Variants in FRYL observed in about 807,000 individuals in gnomAD.
The protein encoded by FRYL is FRY like transcription coactivator, also known as protein furry homolog-like.
A neutral mutation model predicts 351.2 loss-of-function variants in FRYL; 150 were observed. The observed-to-expected ratio is 0.43, with a 90% CI of 0.37 to 0.49. The LOEUF is 0.49. Among genes scored for constraint, FRYL ranks in the 20% least tolerant of loss-of-function variants. FRYL has a pLI of 0.00. For missense variants in FRYL, 3,036 were observed against 3,619.3 expected (o/e 0.84, Z 4.13); for synonymous variants, 1,153 against 1,257.1 (o/e 0.92, Z 1.75).
intron 16 of FRYL, among the ~76,000 whole-genome samples, chr4:48,592,228 C>T (rs182851878): frequency 5.3e-5 from 8 of 151,580 alleles, no homozygotes; most frequent in Admixed American, 2.0e-4. Flanking sequence ...TAGTCAAAGA[C>T]GACACCTTGA....
chr4:48,769,258 C>A (rs1235541099), intron 1 of FRYL, among the ~76,000 whole-genome samples: 1 of 152,114 alleles, frequency 6.6e-6, no homozygotes, highest in Non-Finnish European at 1.5e-5. Context: ...ACATAACTGG[C>A]AAAGAACTTC....
intron 3 of FRYL, among the ~76,000 whole-genome samples, chr4:48,662,762 GA>G: frequency 3.8e-5 from 1 of 26,452 alleles, no homozygotes; most frequent in South Asian, 2.7e-3. Flanking sequence ...CTCATCTCCT[GA>G]AGAAAAAAAA....
intron 3 of FRYL, among the ~76,000 whole-genome samples, chr4:48,664,101 C>T (rs1761315857): frequency 6.6e-6 from 1 of 152,140 alleles, no homozygotes; most frequent in African/African-American, 2.4e-5. Flanking sequence ...CAAAGGAACT[C>T]TGGCTGACCA....
At chr4:48,593,117 A>AT (rs1183807585) in intron 16 of FRYL, among the ~76,000 whole-genome samples, 3 of 151,700 alleles carry the variant, frequency 2.0e-5, no homozygotes, top group East Asian at 3.8e-4. Context: ...TTTAATGTTG[A>AT]TTTTTTTTGG....
intron 11 of FRYL, among the ~76,000 whole-genome samples, chr4:48,605,320 A>G (rs1746547200): frequency 6.6e-6 from 1 of 152,234 alleles, no homozygotes; most frequent in Admixed American, 6.5e-5. Flanking sequence ...TAGGACCTGA[A>G]TACTACAAAC....
chr4:48,754,761 C>T (rs1348053202), intron 1 of FRYL, among the ~76,000 whole-genome samples: 25 of 151,362 alleles, frequency 1.7e-4, no homozygotes, highest in African/African-American at 4.9e-4. Flanking sequence ...TCCGCCTCAG[C>T]CTTCCAAGTC....
At chr4:48,650,174 C>G (rs1436194951) in intron 3 of FRYL, among the ~76,000 whole-genome samples, 1 of 152,124 alleles carries the variant, frequency 6.6e-6, no homozygotes, top group African/African-American at 2.4e-5. Flanking sequence ...ATTCCTACTT[C>G]AGGAATTGTT....
At chr4:48,639,317 T>A (rs566425240) in intron 3 of FRYL, among the ~76,000 whole-genome samples, 1 of 152,042 alleles carries the variant, frequency 6.6e-6, no homozygotes, top group Non-Finnish European at 1.5e-5. Flanking sequence ...CAAGACAGTA[T>A]GGTACTGATT....
At chr4:48,546,005 T>G in intron 42 of FRYL, 62 bp downstream of exon 42, 1 of 1,445,622 alleles carries the variant, frequency 6.9e-7, no homozygotes, top group South Asian at 1.2e-5. Context: ...TCATAATACC[T>G]GATCAATGAA....
At chr4:48,604,330 T>C (rs1274977384) in intron 11 of FRYL, among the ~76,000 whole-genome samples, 1 of 152,194 alleles carries the variant, frequency 6.6e-6, no homozygotes, top group African/African-American at 2.4e-5. Context: ...AGGCCTAGTA[T>C]TATGGGTTGA....
intron 3 of FRYL, among the ~76,000 whole-genome samples, chr4:48,635,998 C>T (rs1416386513): frequency 2.0e-5 from 3 of 152,040 alleles, no homozygotes; most frequent in Admixed American, 6.6e-5. Flanking sequence ...GGTCAAAATA[C>T]ACAAATCTGT....
chr4:48,709,077 C>G (rs143703046), intron 2 of FRYL, among the ~76,000 whole-genome samples: 1 of 151,958 alleles, frequency 6.6e-6, no homozygotes, highest in Non-Finnish European at 1.5e-5. Flanking sequence ...CCCGCCACCA[C>G]GCCTGGCTAA....
At chr4:48,731,421 T>C (rs1770711476) in intron 1 of FRYL, among the ~76,000 whole-genome samples, 2 of 152,146 alleles carry the variant, frequency 1.3e-5, no homozygotes, top group South Asian at 2.1e-4. Context: ...CTTCACAGAA[T>C]TGGAAAAAAC....
intron 7 of FRYL, chr4:48,618,782 T>A (rs1012285721): frequency 6.6e-6 from 1 of 152,540 alleles, no homozygotes; most frequent in Non-Finnish European, 1.5e-5. Flanking sequence ...CTAATACTCA[T>A]TGAATGAATA....
intron 49 of FRYL, among the ~76,000 whole-genome samples, chr4:48,532,837 A>C (rs754057958): frequency 6.6e-6 from 1 of 152,192 alleles, no homozygotes; most frequent in Non-Finnish European, 1.5e-5. Flanking sequence ...ACTATCGATA[A>C]TTCAATTCTG....
chr4:48,632,298 T>C (rs1753377512), intron 4 of FRYL, among the ~76,000 whole-genome samples: 2 of 149,942 alleles, frequency 1.3e-5, no homozygotes, highest in African/African-American at 2.4e-5. Context: ...GTGTTCATTA[T>C]ACCATAATCT....
chr4:48,612,126 A>G (rs1346453664), intron 7 of FRYL, among the ~76,000 whole-genome samples: 1 of 152,070 alleles, frequency 6.6e-6, no homozygotes, highest in African/African-American at 2.4e-5. Context: ...TTACCTTCCC[A>G]CAATTTTATT....
In FRYL at chr4:48,567,117, G is replaced by A; in HGVS notation, c.3169+131C>T. 1.5e-6 allele frequency: 1 copy of A among 684,240 alleles called. No individual in the cohort carries two copies. The highest frequency in any genetic ancestry group is 2.3e-6 in the Non-Finnish European group (1 of 441,384). The allele number at this position is 684,240 out of a possible 1,614,324, so 42.4% of individuals were successfully genotyped here. ...AGGGAAAACAAACTCCAGCCATCCA[G>A]GTTATGCTGACATATTTTTCCAGTA... On this transcript the variant is annotated intron_variant, in intron 28 of 63. Coordinates refer to ENST00000358350, the MANE Select transcript of FRYL (RefSeq NM_015030.2). This position sits in a 1 kb window ranked among gnomAD's most constrained non-coding sequence, Gnocchi z 4.2.
At chr4:48,775,591 TTATAATTAGCAACTTAACG>T (rs1190774388) in intron 1 of FRYL, among the ~76,000 whole-genome samples, 1 of 152,212 alleles carries the variant, frequency 6.6e-6, no homozygotes, top group Non-Finnish European at 1.5e-5. Flanking sequence ...AGCCCCCTTT[TTATAATTAGCAACTTAACG>T]TTTGAGTGAT....
Sources: gnomAD v4.1 joint callset for allele counts (sites outside exome capture counted in the v4.1 genomes callset) on GRCh38, gnomAD v4.1.1 for gene constraint, Gnocchi (gnomAD v3.1) non-coding constraint, MANE v1.5 for transcripts, NCBI Gene and HGNC (gene_info 2026-07-23, HGNC 2026-07-21) for gene names.